SLC1A7: variants seen among roughly 807,000 people sequenced by gnomAD.
The protein encoded by SLC1A7 is excitatory amino acid transporter 5.
In SLC1A7, 40 loss-of-function variants were observed where a neutral mutation model predicts 47.7. The observed-to-expected ratio is 0.84, with a 90% CI of 0.65 to 1.09. SLC1A7 has a LOEUF of 1.09. Among genes scored for constraint, SLC1A7 ranks in the 50% least tolerant of loss-of-function variants. SLC1A7 has a pLI of 0.00. For synonymous variants in SLC1A7, 323 were observed against 325.6 expected, an observed-to-expected ratio of 0.99 and a Z score of 0.09; for missense variants, 746 against 769.5, an observed-to-expected ratio of 0.97 and a Z score of 0.36.
In SLC1A7 at chr1:53,103,493, T is replaced by A; in HGVS notation, c.550A>T (p.Ile184Phe). The A allele has an allele frequency of 6.2e-7, 1 of 1,613,184 alleles. No individual in the cohort carries two copies. ...PEEAPPRRIL[I>F]YGVQEENGSH... ...CCATTCTCCTCCTGGACCCCGTAGA[T>A]GAGGATCCGCCGAGGAGGGGCCTCC... The change falls in exon 5 of 11, where the codon ATC becomes TTC. Residue 184 changes from isoleucine to phenylalanine, a missense_variant. Ile to Phe is a conservative substitution (Grantham distance 21). Coordinates refer to ENST00000371494, the MANE Select transcript of SLC1A7 (RefSeq NM_006671.6).
At chr1:53,108,894 T>TC (rs1447379957) in intron 3 of SLC1A7, among the ~76,000 whole-genome samples, 4 of 152,196 alleles carry the variant, frequency 2.6e-5, no homozygotes, top group Admixed American at 2.0e-4. Flanking sequence ...AATGAATTTA[T>TC]CCTGCAGATT....
At chr1:53,090,560 C>T (rs927132556) in intron 8 of SLC1A7, 52 bp downstream of exon 8, 28 of 1,490,164 alleles carry the variant, frequency 1.9e-5, no homozygotes, top group African/African-American at 4.2e-5. Flanking sequence ...CTGGGAATCC[C>T]CAAGGCCCCC....
chr1:53,088,940 C>T lies in SLC1A7; in HGVS notation c.1401G>A (p.Ala467=), dbSNP rs371570159. 170 of 1,614,124 alleles carry T rather than the reference C, an allele frequency of 1.1e-4. No homozygotes were observed. In the East Asian group the frequency reaches 1.4e-3, roughly 14 times the overall value. The change falls in exon 10 of 11, where the codon GCG becomes GCA. Residue 467 remains alanine (A), a synonymous_variant. Coordinates refer to ENST00000371494, the MANE Select transcript of SLC1A7 (RefSeq NM_006671.6). ...TATGGGCCATGATCCCCGCTGCCAGCGCATCACCCAGCACGTTAATCATGG... is the reference window on the plus strand; with the variant it reads ...TATGGGCCATGATCCCCGCTGCCAGTGCATCACCCAGCACGTTAATCATGG... ...FRTMINVLGD[A]LAAGIMAHIC... is the part of the protein sequence containing the mutation.
chr1:53,111,085 C>T (rs1403672890), intron 3 of SLC1A7, among the ~76,000 whole-genome samples: 2 of 152,016 alleles, frequency 1.3e-5, no homozygotes, highest in Non-Finnish European at 2.9e-5. Flanking sequence ...AAAAGAAACA[C>T]GTAGATATGA....
At chr1:53,120,398 C>T (rs1211448879) in intron 2 of SLC1A7, among the ~76,000 whole-genome samples, 3 of 152,160 alleles carry the variant, frequency 2.0e-5, no homozygotes, top group Admixed American at 2.0e-4. Flanking sequence ...TGCAGGCTGC[C>T]CAGCTGCCGG....
intron 2 of SLC1A7, among the ~76,000 whole-genome samples, chr1:53,129,541 AGGGGCTGG>A (rs1386507229): frequency 0.013 from 1,349 of 102,680 alleles, 5 homozygotes; most frequent in East Asian, 0.024. Context: ...GACTTGGGCC[AGGGGCTGG>A]GTTGGAGAAA....
intron 2 of SLC1A7, among the ~76,000 whole-genome samples, chr1:53,128,168 C>T (rs1458190029): frequency 6.6e-6 from 1 of 152,144 alleles, no homozygotes; most frequent in African/African-American, 2.4e-5. Context: ...CATAGAAAAG[C>T]AAGAGGCAGT....
In SLC1A7 at chr1:53,114,537, G is replaced by A. The variant is rs542031479; in HGVS notation, c.431+221C>T. 1.3e-4 allele frequency: 75 copies of A among 581,320 alleles called. No homozygotes were observed. The African/African-American group carries it at 1.3e-3, about 10-fold the overall frequency. The allele number at this position is 581,320 out of a possible 1,614,324, so 36.0% of individuals were successfully genotyped here. ...ATGTCTGCTCTGCGCCCATCCACAGGCAGAGAGGGGCAGACCCCGTCCAGG... is the reference window on the plus strand; with the variant it reads ...ATGTCTGCTCTGCGCCCATCCACAGACAGAGAGGGGCAGACCCCGTCCAGG... On this transcript the variant is annotated intron_variant, in intron 3 of 10. Transcript: ENST00000371494.
At position 53,089,849 on chromosome 1, in the gene SLC1A7, C is replaced by T. The variant is rs772032993; in HGVS notation, c.1312G>A (p.Gly438Arg). ...AGGGTGATGTCATCGGTGGGCAGTC[C>T]CACGGAGGTGAGCACGATGACCATG... is the stretch of plus-strand genomic sequence containing the variant. Reference protein sequence around the residue: ...VTMVIVLTSVGLPTDDITLII... With the variant: ...VTMVIVLTSVRLPTDDITLII... The change falls in exon 9 of 11, where the codon GGA (glycine) becomes AGA (arginine). Residue 438 changes from glycine to arginine, a missense_variant. Coordinates refer to ENST00000371494, the MANE Select transcript of SLC1A7 (RefSeq NM_006671.6). 6.2e-7 allele frequency: 1 copy of T among 1,613,810 alleles called. No individual in the cohort carries two copies. The highest frequency in any genetic ancestry group is 1.3e-5 in the African/African-American group (1 of 74,904).
chr1:53,097,275 C>T (rs1000329136), intron 5 of SLC1A7, among the ~76,000 whole-genome samples: 7 of 151,184 alleles, frequency 4.6e-5, no homozygotes, highest in Non-Finnish European at 8.8e-5. Context: ...ACACACCCCG[C>T]CTTGGTACAC....
chr1:53,127,009 C>G (rs985819148), intron 2 of SLC1A7, among the ~76,000 whole-genome samples: 6 of 151,210 alleles, frequency 4.0e-5, no homozygotes, highest in African/African-American at 1.2e-4. Flanking sequence ...ACTACAGGTG[C>G]CCACCATCAT....
chr1:53,104,371 C>T (rs1040996274), intron 4 of SLC1A7, among the ~76,000 whole-genome samples: 2 of 152,220 alleles, frequency 1.3e-5, no homozygotes, highest in Non-Finnish European at 2.9e-5. Context: ...ACGTTGAACA[C>T]TCTGTGCTGG....
intron 2 of SLC1A7, among the ~76,000 whole-genome samples, chr1:53,129,984 TG>T (rs1255442875): frequency 3.3e-5 from 5 of 152,006 alleles, no homozygotes; most frequent in African/African-American, 4.8e-5. Context: ...GTGAGATGAG[TG>T]GCTCTTCCGA....
Position 53,142,561 on chromosome 1 carries a change from G to T in SLC1A7, c.-112C>A. ...TAGCCCCTCAGCAGGCAGGTGGTCG[G>T]AGTTGCTAAACACCAGTCGCCAGCC... On this transcript the variant is annotated 5_prime_UTR_variant, in exon 1 of 11. Coordinates refer to ENST00000371494, the MANE Select transcript of SLC1A7 (RefSeq NM_006671.6). 7.6e-7 allele frequency: 1 copy of T among 1,309,364 alleles called. No homozygotes were observed. Among genetic ancestry groups the T allele is most frequent in the Non-Finnish European group, 1.0e-6 (1 of 974,942 alleles). 81.1% of individuals were successfully genotyped at this position (1,309,364 alleles called of 1,614,324 possible).
intron 2 of SLC1A7, among the ~76,000 whole-genome samples, chr1:53,128,823 G>A (rs575300380): frequency 7.0e-6 from 1 of 142,554 alleles, no homozygotes; most frequent in South Asian, 2.2e-4. Context: ...AGGTGGCCAC[G>A]GGCTGGGGGA....
In SLC1A7 at chr1:53,089,852, C is replaced by T. The variant is rs145443647; in HGVS notation, c.1309G>A (p.Val437Met). Residue 437 changes from valine to methionine, a missense_variant, in exon 9 of 11, where the codon GTG (valine) becomes ATG (methionine). Physicochemically the swap from Val to Met is conservative, Grantham distance 21 (BLOSUM62 1). Coordinates refer to ENST00000371494, the MANE Select transcript of SLC1A7 (RefSeq NM_006671.6). ...LVTMVIVLTS[V>M]GLPTDDITLI... ...GTGATGTCATCGGTGGGCAGTCCCA[C>T]GGAGGTGAGCACGATGACCATGGTG... The T allele has an allele frequency of 1.7e-5, 28 of 1,613,784 alleles. No homozygotes were observed. Among genetic ancestry groups the T allele is most frequent in the African/African-American group, 8.0e-5 (6 of 74,882 alleles).
intron 1 of SLC1A7, among the ~76,000 whole-genome samples, chr1:53,138,781 G>A (rs760677351): frequency 3.9e-5 from 6 of 152,072 alleles, no homozygotes; most frequent in Non-Finnish European, 7.4e-5. Context: ...CCAACACTTC[G>A]AGTATTTATC....
At chr1:53,111,512 G>A (rs2150330658) in intron 3 of SLC1A7, among the ~76,000 whole-genome samples, 1 of 152,342 alleles carries the variant, frequency 6.6e-6, no homozygotes, top group South Asian at 2.1e-4. Context: ...ACTGGAGTGG[G>A]CGGCAATGGC....
intron 9 of SLC1A7, 26 bp from the exon 10 acceptor site, chr1:53,089,005 T>A: frequency 1.9e-6 from 3 of 1,583,944 alleles, no homozygotes; most frequent in Non-Finnish European, 2.6e-6. Flanking sequence ...TGGGGGTGAG[T>A]GGTGGGCACT....
Sources: gnomAD v4.1 joint callset for allele counts (sites outside exome capture counted in the v4.1 genomes callset) on GRCh38, gnomAD v4.1.1 for gene constraint, MANE v1.5 for transcripts, NCBI Gene and HGNC (gene_info 2026-07-23, HGNC 2026-07-21) for gene names.